The following PPM1E variants were observed in gnomAD, a reference collection of about 807,000 sequenced individuals.
PPM1E encodes the protein protein phosphatase, Mg2+/Mn2+ dependent 1E, also known as protein phosphatase 1E.
A neutral mutation model predicts 65.9 loss-of-function variants in PPM1E; 20 were observed. That is an observed-to-expected ratio of 0.30 (90% CI 0.21 to 0.44). The LOEUF (loss-of-function observed/expected upper bound fraction) is 0.44. Ranked by LOEUF, PPM1E falls within the 20% of genes least tolerant of loss-of-function variation. The probability of loss-of-function intolerance (pLI) is 1.00; values close to 1 mark genes in which losing one functional copy is unlikely to be tolerated. For missense variants in PPM1E, 713 were observed against 953.1 expected (o/e 0.75, Z 3.32); for synonymous variants, 352 against 374.9 (o/e 0.94, Z 0.70).
At chr17:58,884,160 C>T (rs949843490) in intron 1 of PPM1E, among the ~76,000 whole-genome samples, 2 of 152,134 alleles carry the variant, frequency 1.3e-5, no homozygotes, top group Non-Finnish European at 2.9e-5. Flanking sequence ...GAGATGGTCA[C>T]CTGGAGATGT....
chr17:58,946,665 A>G (rs866258782), intron 1 of PPM1E, among the ~76,000 whole-genome samples: 12 of 152,108 alleles, frequency 7.9e-5, no homozygotes, highest in Non-Finnish European at 7.4e-5. Context: ...TAAGTTGCCC[A>G]GGCTGATCTC....
At chr17:58,841,950 G>A (rs776587780) in intron 1 of PPM1E, among the ~76,000 whole-genome samples, 28 of 152,092 alleles carry the variant, frequency 1.8e-4, no homozygotes, top group Middle Eastern at 3.4e-3. Flanking sequence ...CTCGTGATCC[G>A]CCCTCCTTGG....
intron 1 of PPM1E, among the ~76,000 whole-genome samples, chr17:58,856,676 A>G (rs1319266470): frequency 1.3e-5 from 2 of 152,212 alleles, no homozygotes; most frequent in African/African-American, 4.8e-5. Context: ...TTATAAGAAG[A>G]AAAGATTAGG....
intron 1 of PPM1E, among the ~76,000 whole-genome samples, chr17:58,844,871 T>C (rs1221714113): frequency 1.3e-5 from 2 of 152,162 alleles, no homozygotes; most frequent in African/African-American, 2.4e-5. Context: ...TTACAGAAAA[T>C]TTGGTTTGAA....
At chr17:58,845,300 T>C (rs2050759925) in intron 1 of PPM1E, among the ~76,000 whole-genome samples, 1 of 134,936 alleles carries the variant, frequency 7.4e-6, no homozygotes, top group African/African-American at 2.9e-5. Context: ...TCATGGTTGG[T>C]TTTTTTTTTT....
chr17:58,964,373 T>A (rs976979211), intron 2 of PPM1E, among the ~76,000 whole-genome samples: 4 of 152,178 alleles, frequency 2.6e-5, no homozygotes. Flanking sequence ...GAGGGTTCAA[T>A]GATAGGAAAT....
At chr17:58,812,131 T>C (rs1376184806) in intron 1 of PPM1E, among the ~76,000 whole-genome samples, 1 of 151,552 alleles carries the variant, frequency 6.6e-6, no homozygotes, top group African/African-American at 2.4e-5. Context: ...TTTTTAATTC[T>C]CTAATAAGAA....
intron 1 of PPM1E, among the ~76,000 whole-genome samples, chr17:58,856,332 C>T (rs974714410): frequency 3.9e-5 from 6 of 152,100 alleles, no homozygotes; most frequent in East Asian, 1.9e-4. Flanking sequence ...CCCCACCTCC[C>T]GGATTCAAGC....
chr17:58,844,151 A>G (rs2050748905), intron 1 of PPM1E, among the ~76,000 whole-genome samples: 1 of 152,186 alleles, frequency 6.6e-6, no homozygotes, highest in South Asian at 2.1e-4. Flanking sequence ...CTGGGATATT[A>G]GAGAATTTCA....
intron 1 of PPM1E, among the ~76,000 whole-genome samples, chr17:58,875,617 C>T (rs1052740191): frequency 6.6e-6 from 1 of 152,154 alleles, no homozygotes; most frequent in Admixed American, 6.5e-5. Flanking sequence ...TAAATACCTA[C>T]ATAAAAAGCT....
At position 58,784,398 on chromosome 17, in the gene PPM1E, T is replaced by C. The variant is rs1438996005; in HGVS notation, c.464+27937T>C. On this transcript the variant is annotated intron_variant, in intron 1 of 6. Coordinates refer to ENST00000308249, the MANE Select transcript of PPM1E (RefSeq NM_014906.5). ...TAGAGTGAATCAAAGTTCAGATGTC[T>C]TGAATATTGGTTTGATTTTACATTT... Among the ~76,000 whole-genome samples, 9 of 152,270 alleles carry C rather than the reference T, an allele frequency of 5.9e-5. No individual in the cohort carries two copies. In the East Asian group the frequency reaches 1.7e-3, roughly 29 times the overall value.
chr17:58,863,286 G>A (rs1239482628), intron 1 of PPM1E, among the ~76,000 whole-genome samples: 3 of 152,170 alleles, frequency 2.0e-5, no homozygotes, highest in Admixed American at 1.3e-4. Context: ...ATGAAGGGGT[G>A]GCTTGCTTTC....
chr17:58,778,131 G>A (rs930421115), intron 1 of PPM1E, among the ~76,000 whole-genome samples: 5 of 151,800 alleles, frequency 3.3e-5, no homozygotes, highest in African/African-American at 1.2e-4. Context: ...ATGGAGTCTT[G>A]CTCTGTTGCC....
chr17:58,763,493 A>G (rs1210869772), intron 1 of PPM1E, among the ~76,000 whole-genome samples: 6 of 151,956 alleles, frequency 3.9e-5, no homozygotes, highest in Non-Finnish European at 7.4e-5. Context: ...CCAAGAAACA[A>G]CTCTACACTA....
At chr17:58,867,432 C>A (rs2051017973) in intron 1 of PPM1E, among the ~76,000 whole-genome samples, 1 of 152,314 alleles carries the variant, frequency 6.6e-6, no homozygotes, top group Admixed American at 6.5e-5. Context: ...TAGAGTGTTA[C>A]AGGGGCTTGT....
chr17:58,803,754 T>C (rs571445296), intron 1 of PPM1E, among the ~76,000 whole-genome samples: 1 of 152,288 alleles, frequency 6.6e-6, no homozygotes, highest in South Asian at 2.1e-4. Context: ...TAGAAGTAAC[T>C]TTATGGATTC....
At chr17:58,841,605 A>G (rs1196468907) in intron 1 of PPM1E, among the ~76,000 whole-genome samples, 1 of 149,216 alleles carries the variant, frequency 6.7e-6, no homozygotes, top group Admixed American at 6.8e-5. Flanking sequence ...GACTCACTGC[A>G]GCCTCCACCT....
chr17:58,914,952 AAG>A (rs139030103), intron 1 of PPM1E, among the ~76,000 whole-genome samples: 1 of 152,064 alleles, frequency 6.6e-6, no homozygotes, highest in East Asian at 1.9e-4. Context: ...GGGAGAGGAA[AAG>A]AGAGAGAGGA....
chr17:58,853,003 C>T (rs2050843664), intron 1 of PPM1E, among the ~76,000 whole-genome samples: 1 of 152,026 alleles, frequency 6.6e-6, no homozygotes, highest in Admixed American at 6.6e-5. Context: ...TGTATTAACT[C>T]CTTGTCAGAT....
Sources: gnomAD v4.1 joint callset for allele counts (sites outside exome capture counted in the v4.1 genomes callset) on GRCh38, gnomAD v4.1.1 for gene constraint, MANE v1.5 for transcripts, NCBI Gene and HGNC (gene_info 2026-07-23, HGNC 2026-07-21) for gene names.